SNTG2: variants seen among roughly 807,000 people sequenced by gnomAD.
The protein encoded by SNTG2 is syntrophin gamma 2.
A neutral mutation model predicts 70.9 loss-of-function variants in SNTG2; 74 were observed. The observed-to-expected ratio is 1.04, with a 90% CI of 0.86 to 1.27. The LOEUF (loss-of-function observed/expected upper bound fraction) is 1.27. Ranked by LOEUF, SNTG2 falls within the 50% of genes most tolerant of loss-of-function variation. The probability of loss-of-function intolerance (pLI) is 0.00; values close to 1 mark genes in which losing one functional copy is unlikely to be tolerated. For missense variants in SNTG2, 717 were observed against 690.7 expected, an observed-to-expected ratio of 1.04 and a Z score of -0.43; for synonymous variants, 278 against 273.8, an observed-to-expected ratio of 1.02 and a Z score of -0.15.
intron 12 of SNTG2, among the ~76,000 whole-genome samples, chr2:1,252,149 A>G (rs894391428): frequency 6.6e-6 from 1 of 152,208 alleles, no homozygotes; most frequent in Non-Finnish European, 1.5e-5. Flanking sequence ...ATCCTTGATG[A>G]TCCACGAGAA....
chr2:1,231,489 G>T (rs909941701), intron 9 of SNTG2, among the ~76,000 whole-genome samples: 1 of 152,178 alleles, frequency 6.6e-6, no homozygotes. Context: ...GACATGCCCC[G>T]CAGTGTGGGT....
intron 1 of SNTG2, among the ~76,000 whole-genome samples, chr2:985,718 T>C (rs1661283360): frequency 6.6e-6 from 1 of 152,188 alleles, no homozygotes; most frequent in Admixed American, 6.5e-5. Context: ...GTAACCCGTC[T>C]TCTGATAGGA....
intron 8 of SNTG2, among the ~76,000 whole-genome samples, chr2:1,178,977 C>G (rs201280802): frequency 0.25 from 37,548 of 151,544 alleles, 5,119 homozygotes; most frequent in East Asian, 0.44. Flanking sequence ...GCCACAATTT[C>G]AGATCCTGTT....
At chr2:951,420 AGCG>A (rs1659958527) in intron 1 of SNTG2, among the ~76,000 whole-genome samples, 1 of 152,128 alleles carries the variant, frequency 6.6e-6, no homozygotes, top group African/African-American at 2.4e-5. Flanking sequence ...GCTTCCCAGG[AGCG>A]GCTCTTTCGG....
chr2:1,168,784 G>A (rs1271466264), intron 7 of SNTG2, among the ~76,000 whole-genome samples: 5 of 152,180 alleles, frequency 3.3e-5, no homozygotes, highest in Non-Finnish European at 5.9e-5. Context: ...AAGGAGCCAC[G>A]GGAGCATGAA....
chr2:1,255,370 A>C (rs1403137884), intron 12 of SNTG2, among the ~76,000 whole-genome samples: 1 of 152,106 alleles, frequency 6.6e-6, no homozygotes, highest in Non-Finnish European at 1.5e-5. Flanking sequence ...AACATCAAGA[A>C]CACCAATGTA....
At position 1,005,806 on chromosome 2, in the gene SNTG2, AATATATATAT is replaced by A. The variant is rs56246912; in HGVS notation, c.72+54798_72+54807del. 7.7e-4 allele frequency among the ~76,000 whole-genome samples: 24 copies of A among 31,228 alleles called. 2 individuals are homozygous for A. Among genetic ancestry groups the A allele is most frequent in the Admixed American group, 1.7e-3 (4 of 2,352 alleles). 20.5% of individuals were successfully genotyped at this position (31,228 alleles called of 152,430 possible). ...GCGACAGAGCAAGACTCTGCCTCAA[AATATATATAT>A]ATATATATATATATATATATATATA... On this transcript the variant is annotated intron_variant, in intron 1 of 16. Coordinates refer to ENST00000308624, the MANE Select transcript of SNTG2 (RefSeq NM_018968.4).
intron 4 of SNTG2, among the ~76,000 whole-genome samples, chr2:1,132,184 CATATATATGTGTGTGT>C (rs1668061000): frequency 6.6e-6 from 1 of 151,260 alleles, no homozygotes; most frequent in South Asian, 2.1e-4. Context: ...AGATAATCTC[CATATATATGTGTGTGT>C]ATATATATGT....
chr2:1,259,781 TATTGAA>T (rs1678321326), intron 13 of SNTG2, among the ~76,000 whole-genome samples: 1 of 152,256 alleles, frequency 6.6e-6, no homozygotes, highest in Non-Finnish European at 1.5e-5. Flanking sequence ...CTGCTGCTGT[TATTGAA>T]ATTGTTTTCA....
intron 4 of SNTG2, among the ~76,000 whole-genome samples, chr2:1,106,623 A>G (rs1185520442): frequency 7.2e-6 from 1 of 138,740 alleles, no homozygotes; most frequent in African/African-American, 2.8e-5. Context: ...CAGGGTATGG[A>G]GAGCTCCTTG....
chr2:1,102,177 G>A (rs950309959), intron 4 of SNTG2, among the ~76,000 whole-genome samples: 8 of 152,216 alleles, frequency 5.3e-5, no homozygotes, highest in Non-Finnish European at 1.0e-4. Context: ...CGAAACCGTG[G>A]TACAGAGGAG....
intron 15 of SNTG2, 132 bp downstream of exon 15, chr2:1,308,718 C>A: frequency 2.8e-6 from 2 of 712,302 alleles, no homozygotes; most frequent in East Asian, 2.7e-5. Flanking sequence ...AGAGGCCTTG[C>A]TTTCATAGAC....
intron 2 of SNTG2, among the ~76,000 whole-genome samples, chr2:1,095,681 G>T (rs557251643): frequency 6.4e-4 from 97 of 152,188 alleles, no homozygotes; most frequent in Non-Finnish European, 8.1e-4. Flanking sequence ...TCATTCTTTG[G>T]CAGTCTATCA....
intron 8 of SNTG2, among the ~76,000 whole-genome samples, chr2:1,196,888 C>T (rs1367163326): frequency 2.0e-5 from 3 of 152,120 alleles, no homozygotes; most frequent in Non-Finnish European, 2.9e-5. Flanking sequence ...GGGAGCCCTA[C>T]ACCTGGAAGT....
At chr2:1,210,016 A>C (rs1673933944) in intron 9 of SNTG2, among the ~76,000 whole-genome samples, 1 of 152,130 alleles carries the variant, frequency 6.6e-6, no homozygotes, top group African/African-American at 2.4e-5. Context: ...GTGTGGCTAT[A>C]GTATGTATGA....
At chr2:1,366,066 C>G (rs551257596) in intron 16 of SNTG2, among the ~76,000 whole-genome samples, 7 of 152,040 alleles carry the variant, frequency 4.6e-5, no homozygotes, top group Non-Finnish European at 1.0e-4. Flanking sequence ...TGCTCTTCTT[C>G]TTGAAAATGA....
chr2:967,367 C>T (rs1369091679), intron 1 of SNTG2, among the ~76,000 whole-genome samples: 1 of 151,814 alleles, frequency 6.6e-6, no homozygotes, highest in African/African-American at 2.4e-5. Flanking sequence ...TTTAGAGATG[C>T]TTTTTTTTGG....
At chr2:1,139,699 C>T (rs1668623997) in intron 6 of SNTG2, among the ~76,000 whole-genome samples, 1 of 152,014 alleles carries the variant, frequency 6.6e-6, no homozygotes, top group Admixed American at 6.6e-5. Flanking sequence ...CATGGTGGCG[C>T]ATACCTGTAG....
intron 1 of SNTG2, among the ~76,000 whole-genome samples, chr2:1,078,476 G>A (rs1339981820): frequency 1.3e-5 from 2 of 152,136 alleles, no homozygotes; most frequent in East Asian, 3.9e-4. Context: ...GGCAGGTATG[G>A]CAGGATTGCA....
Sources: allele counts gnomAD v4.1 joint callset (sites outside exome capture counted in the v4.1 genomes callset), GRCh38; gene constraint gnomAD v4.1.1; transcripts MANE v1.5; gene names NCBI Gene and HGNC (gene_info 2026-07-23, HGNC 2026-07-21).